The following VRK3 variants were observed in gnomAD, a reference collection of about 807,000 sequenced individuals.
VRK3 encodes the protein serine/threonine-protein kinase VRK3.
A neutral mutation model predicts 60.4 loss-of-function variants in VRK3; 50 were observed. That is an observed-to-expected ratio of 0.83 (90% CI 0.66 to 1.05). The LOEUF (loss-of-function observed/expected upper bound fraction) is 1.05. VRK3 is among the 50% of genes least tolerant of loss of function. The pLI, the probability that VRK3 is intolerant of heterozygous loss-of-function variation, is 0.00. For missense variants in VRK3, 549 were observed against 585.3 expected (o/e 0.94, Z 0.64); for synonymous variants, 246 against 227.8 (o/e 1.08, Z -0.72).
Position 50,000,842 on chromosome 19 carries a change from G to A in VRK3, c.560C>T (p.Ser187Phe), listed in dbSNP as rs765098650. ...TGGTCCTGAGTCACAGGTGAGGGTG[G>A]AGGTGGGTGCAGCTGTGGGGGAACA... The part of the protein sequence containing the change: ...QGILYEAAPT[S>F]TLTCDSGPQK... The change falls in exon 6 of 15, where the codon TCC becomes TTC. Residue 187 changes from serine to phenylalanine, a missense_variant. Transcript: ENST00000316763. 21 of 1,613,834 alleles carry A rather than the reference G, an allele frequency of 1.3e-5. No individual in the cohort carries two copies. Among genetic ancestry groups the A allele is most frequent in the Non-Finnish European group, 1.7e-5 (20 of 1,179,942 alleles).
chr19:49,996,678 A>G (rs2076710004), intron 7 of VRK3, among the ~76,000 whole-genome samples: 1 of 152,090 alleles, frequency 6.6e-6, no homozygotes, highest in South Asian at 2.1e-4. Flanking sequence ...GTGCAGTGGC[A>G]TGATCTCGGC....
chr19:50,024,743 G>A (rs1353454085), intron 1 of VRK3, among the ~76,000 whole-genome samples: 1 of 152,188 alleles, frequency 6.6e-6, no homozygotes, highest in East Asian at 1.9e-4. Context: ...CAATGGCCAG[G>A]TCAGGACTTG....
chr19:50,021,451 C>T (rs188378960), intron 1 of VRK3, among the ~76,000 whole-genome samples: 2 of 152,198 alleles, frequency 1.3e-5, no homozygotes, highest in Non-Finnish European at 1.5e-5. Flanking sequence ...CCAGTTTCCA[C>T]GGCATGAGGC....
intron 4 of VRK3, 29 bp downstream of exon 4, chr19:50,009,207 A>C: frequency 4.4e-6 from 7 of 1,608,134 alleles, no homozygotes; most frequent in Non-Finnish European, 5.9e-6. Flanking sequence ...TCCACTTAAG[A>C]GTCAGGCCAG....
intron 3 of VRK3, among the ~76,000 whole-genome samples, chr19:50,011,004 C>T (rs180825676): frequency 3.3e-5 from 5 of 152,250 alleles, no homozygotes; most frequent in Non-Finnish European, 2.9e-5. Context: ...ACCACCAAGG[C>T]GACAAATGTC....
intron 4 of VRK3, chr19:50,008,947 A>T (rs891563241): frequency 5.7e-6 from 2 of 351,980 alleles, no homozygotes; most frequent in East Asian, 5.0e-5. Flanking sequence ...AGCAGGAACC[A>T]GGCCACACAG....
At chr19:50,004,778 C>T (rs935681115) in intron 5 of VRK3, among the ~76,000 whole-genome samples, 10 of 151,868 alleles carry the variant, frequency 6.6e-5, no homozygotes, top group Non-Finnish European at 1.5e-4. Flanking sequence ...GGCGTGGTGG[C>T]GCCTGCCTGT....
In VRK3 at chr19:49,977,704, T is replaced by C. The variant is rs567160169; in HGVS notation, c.*12-920A>G. ...GGAGGCTGCTGGGGGAGCAAGGGTGTTGGGGAGGACCCCGAGCTGTCTGGC... is the reference window on the plus strand; with the variant it reads ...GGAGGCTGCTGGGGGAGCAAGGGTGCTGGGGAGGACCCCGAGCTGTCTGGC... On this transcript the variant is annotated intron_variant, in intron 14 of 14. Coordinates refer to ENST00000316763, the MANE Select transcript of VRK3 (RefSeq NM_016440.4). 2.6e-5 allele frequency among the ~76,000 whole-genome samples: 4 copies of C among 152,136 alleles called. No individual in the cohort carries two copies. The South Asian group carries it at 8.3e-4, about 32-fold the overall frequency.
At chr19:49,982,903 A>T (rs967148446) in intron 12 of VRK3, among the ~76,000 whole-genome samples, 1 of 151,636 alleles carries the variant, frequency 6.6e-6, no homozygotes, top group African/African-American at 2.4e-5. Flanking sequence ...GCCAGCTCCC[A>T]CCACCTGCCC....
chr19:49,997,431 T>C, intron 7 of VRK3, 73 bp downstream of exon 7: 1 of 1,535,978 alleles, frequency 6.5e-7, no homozygotes, highest in South Asian at 1.2e-5. Context: ...TGCCTGCAGG[T>C]AGAAGTCAAG....
rs768924421 is a variant in VRK3 at position 49,994,774 on chromosome 19, C to A, written c.870+40G>T. ...CCTGCTAAACTAGGATGTGATGTGCCCTCCCTGACGCGGCAGCTGAGCAAC... is the reference window on the plus strand; with the variant it reads ...CCTGCTAAACTAGGATGTGATGTGCACTCCCTGACGCGGCAGCTGAGCAAC... On this transcript the variant is annotated intron_variant, in intron 9 of 14. Coordinates refer to ENST00000316763, the MANE Select transcript of VRK3 (RefSeq NM_016440.4). 18 of 1,573,878 alleles carry A rather than the reference C, an allele frequency of 1.1e-5. No individual in the cohort carries two copies. The Admixed American group carries it at 2.9e-4, about 25-fold the overall frequency.
chr19:49,979,010 TCTC>T, intron 14 of VRK3, 70 bp downstream of exon 14: 1 of 1,472,002 alleles, frequency 6.8e-7, no homozygotes, highest in Non-Finnish European at 9.1e-7. Context: ...CTGGGAAGTG[TCTC>T]CTGGAGCCTG....
chr19:49,989,562 C>G, intron 11 of VRK3, 77 bp downstream of exon 11: 1 of 1,513,354 alleles, frequency 6.6e-7, no homozygotes, highest in East Asian at 2.4e-5. Context: ...CCTGCTGTCT[C>G]TGGCTGTGAA....
chr19:50,022,670 C>T lies in VRK3; in HGVS notation c.-64-2023G>A, dbSNP rs6509453. On this transcript the variant is annotated intron_variant, in intron 1 of 14. Transcript: ENST00000316763. ...TCAGCCGGGCGTGGTGGTGGGCACC[C>T]GTAATCCCAGCTACTTGGGAGGCTG... Among the ~76,000 whole-genome samples, 412 of 152,042 alleles carry T rather than the reference C, an allele frequency of 2.7e-3. 2 individuals are homozygous for T. The highest frequency in any genetic ancestry group is 9.4e-3 in the African/African-American group (391 of 41,484).
rs547935519 is a variant in VRK3, at chr19:50,013,028, G to A, written c.139+2996C>T. Among the ~76,000 whole-genome samples the A allele has an allele frequency of 7.3e-4, 111 of 152,204 alleles. 1 individual carries two copies. The highest frequency in any genetic ancestry group is 1.4e-3 in the South Asian group (7 of 4,830). On this transcript the variant is annotated intron_variant, in intron 3 of 14. Coordinates refer to ENST00000316763, the MANE Select transcript of VRK3 (RefSeq NM_016440.4). Reference sequence around the variant, plus strand: ...TAAAAATACAAAAAAATAGCTGGGCGTGGTGGTGGGCGCCTGTAGTCCCAG... The same window carrying A: ...TAAAAATACAAAAAAATAGCTGGGCATGGTGGTGGGCGCCTGTAGTCCCAG...
At chr19:49,977,370 G>T (rs1319144287) in intron 14 of VRK3, among the ~76,000 whole-genome samples, 4 of 152,132 alleles carry the variant, frequency 2.6e-5, no homozygotes, top group Admixed American at 2.6e-4. Flanking sequence ...CCCAACCAAG[G>T]GGCTGAGTGA....
intron 1 of VRK3, among the ~76,000 whole-genome samples, chr19:50,023,688 G>C (rs1186046734): frequency 6.6e-6 from 1 of 151,836 alleles, no homozygotes; most frequent in Non-Finnish European, 1.5e-5. Context: ...CGTCTGCTGA[G>C]TGAATAAATC....
At chr19:49,992,795 G>T in intron 10 of VRK3, 65 bp downstream of exon 10, 1 of 1,465,948 alleles carries the variant, frequency 6.8e-7, no homozygotes, top group Non-Finnish European at 9.5e-7. Context: ...AATAAATAGA[G>T]ATTTGGAGAC....
chr19:50,011,341 T>C (rs1434369805), intron 3 of VRK3, among the ~76,000 whole-genome samples: 5 of 152,222 alleles, frequency 3.3e-5, no homozygotes, highest in African/African-American at 7.2e-5. Flanking sequence ...CACTGAACAA[T>C]AAGGAGTTTT....
Sources: gnomAD v4.1 joint callset for allele counts (sites outside exome capture counted in the v4.1 genomes callset) on GRCh38, gnomAD v4.1.1 for gene constraint, MANE v1.5 for transcripts, NCBI Gene and HGNC (gene_info 2026-07-23, HGNC 2026-07-21) for gene names.